The following CTNNA3 variants were observed in gnomAD, a reference collection of about 807,000 sequenced individuals.
CTNNA3 encodes the protein catenin alpha 3, also known as catenin alpha-3.
CTNNA3 carries 76 observed loss-of-function variants against 95.7 expected under a neutral mutation model. The observed-to-expected ratio is 0.79, with a 90% confidence interval of 0.66 to 0.96. The LOEUF is 0.96. Among genes scored for constraint, CTNNA3 ranks in the 40% least tolerant of loss-of-function variants. The pLI, the probability that CTNNA3 is intolerant of heterozygous loss-of-function variation, is 0.00. For missense variants in CTNNA3, 1,191 were observed against 1,089.8 expected (o/e 1.09, Z -1.31); for synonymous variants, 431 against 374.4 (o/e 1.15, Z -1.74).
intron 13 of CTNNA3, among the ~76,000 whole-genome samples, chr10:66,243,826 G>A (rs1489514487): frequency 6.6e-6 from 1 of 152,118 alleles, no homozygotes; most frequent in Non-Finnish European, 1.5e-5. Flanking sequence ...AGAGCCCTTG[G>A]GTCCTGAATA....
chr10:67,458,069 C>T (rs897080640), intron 5 of CTNNA3, among the ~76,000 whole-genome samples: 2 of 151,936 alleles, frequency 1.3e-5, no homozygotes, highest in Non-Finnish European at 2.9e-5. Context: ...GAATTATATG[C>T]CATAATGTAT....
In CTNNA3 at chr10:67,503,971, C is replaced by T. The variant is rs548506964; in HGVS notation, c.579+17871G>A. ...AGGAGATCAAGACCATCCTGGCTAA[C>T]ATGGTGAAACCCCGTCTCTACTAAA... On this transcript the variant is annotated intron_variant, in intron 5 of 17. Coordinates refer to ENST00000433211, the MANE Select transcript of CTNNA3 (RefSeq NM_013266.4). 2.1e-3 allele frequency among the ~76,000 whole-genome samples: 326 copies of T among 151,936 alleles called. 1 individual carries two copies. The highest frequency in any genetic ancestry group is 2.5e-3 in the Non-Finnish European group (168 of 67,964).
chr10:65,933,400 C>T (rs933226649), intron 17 of CTNNA3, among the ~76,000 whole-genome samples: 31 of 152,232 alleles, frequency 2.0e-4, no homozygotes, highest in African/African-American at 7.5e-4. Flanking sequence ...TTCTGATATA[C>T]TTCCTGGAGC....
intron 15 of CTNNA3, among the ~76,000 whole-genome samples, chr10:66,003,829 C>T (rs145048779): frequency 3.0e-3 from 459 of 152,236 alleles, no homozygotes; most frequent in Middle Eastern, 0.014. Context: ...ACTTTTCTTA[C>T]TCACTTCTCA....
intron 10 of CTNNA3, among the ~76,000 whole-genome samples, chr10:66,560,406 A>G (rs1236303377): frequency 6.6e-6 from 1 of 152,034 alleles, no homozygotes; most frequent in Non-Finnish European, 1.5e-5. Context: ...ATACTTTAGT[A>G]GCTATTATTC....
intron 13 of CTNNA3, among the ~76,000 whole-genome samples, chr10:66,111,654 TTA>T (rs998152019): frequency 2.0e-5 from 3 of 151,932 alleles, no homozygotes; most frequent in Admixed American, 6.6e-5. Flanking sequence ...TTCCATAGAG[TTA>T]TATGATTTGA....
At chr10:66,718,109 G>A in intron 9 of CTNNA3, among the ~76,000 whole-genome samples, 1 of 148,496 alleles carries the variant, frequency 6.7e-6, no homozygotes, top group African/African-American at 2.5e-5. Flanking sequence ...TGAAATGAAG[G>A]GATATAAAAG....
At chr10:67,187,292 G>A (rs952538778) in intron 6 of CTNNA3, among the ~76,000 whole-genome samples, 8 of 152,006 alleles carry the variant, frequency 5.3e-5, no homozygotes, top group African/African-American at 1.2e-4. Flanking sequence ...TGTGAAAACC[G>A]AGAGTGAGCA....
At chr10:67,407,592 T>C (rs1485534314) in intron 5 of CTNNA3, among the ~76,000 whole-genome samples, 1 of 152,070 alleles carries the variant, frequency 6.6e-6, no homozygotes. Context: ...AAAGAAATAA[T>C]GTGTATTCAA....
chr10:66,890,731 A>G (rs1236554692), intron 7 of CTNNA3, among the ~76,000 whole-genome samples: 1 of 152,198 alleles, frequency 6.6e-6, no homozygotes, highest in Non-Finnish European at 1.5e-5. Flanking sequence ...GTCCAAGAGA[A>G]GGCTTTAGAT....
chr10:66,361,418 CCCTTT>C (rs2092674172), intron 12 of CTNNA3, among the ~76,000 whole-genome samples: 1 of 148,500 alleles, frequency 6.7e-6, no homozygotes, highest in Admixed American at 6.8e-5. Flanking sequence ...CACTTCCCTT[CCCTTT>C]CCTTCTTTCT....
rs117971151 is a variant in CTNNA3, at chr10:67,467,007, G to A, written c.579+54835C>T. Among the ~76,000 whole-genome samples the A allele has an allele frequency of 1.6e-3, 246 of 152,160 alleles. 6 individuals are homozygous for A. In the East Asian group the frequency reaches 0.039, roughly 24 times the overall value. On this transcript the variant is annotated intron_variant, in intron 5 of 17. Coordinates refer to ENST00000433211, the MANE Select transcript of CTNNA3 (RefSeq NM_013266.4). ...GAATAATGTTGCTGGGCACAGTAGC[G>A]CACATCTATAGTCCCACTGGCTAGG...
chr10:67,445,930 T>C (rs1484965836), intron 5 of CTNNA3, among the ~76,000 whole-genome samples: 1 of 152,168 alleles, frequency 6.6e-6, no homozygotes, highest in East Asian at 1.9e-4. Context: ...CATTTTGTCC[T>C]AGTGTCTGGT....
chr10:65,924,042 C>T (rs369875139), intron 17 of CTNNA3, among the ~76,000 whole-genome samples: 1 of 152,036 alleles, frequency 6.6e-6, no homozygotes, highest in African/African-American at 2.4e-5. Context: ...TTAAAATGAC[C>T]TATTATAAAA....
intron 9 of CTNNA3, among the ~76,000 whole-genome samples, chr10:66,698,814 G>A (rs1294629140): frequency 1.3e-5 from 2 of 152,046 alleles, no homozygotes; most frequent in African/African-American, 4.8e-5. Context: ...AAAAGCACAA[G>A]AGATGAAACA....
chr10:67,580,048 CTTTAG>C (rs943776069), intron 3 of CTNNA3, among the ~76,000 whole-genome samples: 14 of 152,108 alleles, frequency 9.2e-5, no homozygotes, highest in African/African-American at 3.4e-4. Flanking sequence ...TGCGGAAGCT[CTTTAG>C]TTTAATTAGA....
rs1465943773 is a variant in CTNNA3, at chr10:67,672,008, C to G, written c.-6+23992G>C. On this transcript the variant is annotated intron_variant, in intron 1 of 17. Coordinates refer to ENST00000433211, the MANE Select transcript of CTNNA3 (RefSeq NM_013266.4). ...AAAATTGTTCCTATTTCTCCACATC[C>G]TCTCCAGCACCTGTTGTTTCCTGAC... 2.6e-5 allele frequency among the ~76,000 whole-genome samples: 4 copies of G among 152,174 alleles called. No individual in the cohort carries two copies. In the South Asian group the frequency reaches 8.3e-4, roughly 32 times the overall value.
chr10:66,166,498 C>CAAAAAAAAAAAAAAAAAAAAAA (rs35165850), intron 13 of CTNNA3, among the ~76,000 whole-genome samples: 1 of 105,204 alleles, frequency 9.5e-6, no homozygotes, highest in Non-Finnish European at 1.9e-5. Flanking sequence ...CAGTCTGTCT[C>CAAAAAAAAAAAAAAAAAAAAAA]AAAAAAAAAA....
In CTNNA3 at chr10:66,387,149, G is replaced by A. The variant is rs139095822; in HGVS notation, c.1532-7797C>T. On this transcript the variant is annotated intron_variant, in intron 11 of 17. Transcript: ENST00000433211. ...CACAGCAAAAGAAACTACCATCGGC[G>A]TGAACAGGCAACCTACAGAATGGGA... Among the ~76,000 whole-genome samples, 41 of 152,172 alleles carry A rather than the reference G, an allele frequency of 2.7e-4. No homozygotes were observed. In the East Asian group the frequency reaches 6.6e-3, roughly 24 times the overall value.
Sources: allele counts gnomAD v4.1 joint callset (sites outside exome capture counted in the v4.1 genomes callset), GRCh38; gene constraint gnomAD v4.1.1; transcripts MANE v1.5; gene names NCBI Gene and HGNC (gene_info 2026-07-23, HGNC 2026-07-21).